DAB1: variants seen among roughly 807,000 people sequenced by gnomAD.
DAB1 encodes the protein DAB adaptor protein 1.
Under a neutral mutation model 64.6 loss-of-function variants are expected in DAB1, and 15 were observed. That is an observed-to-expected ratio of 0.23 (90% CI 0.16 to 0.36). The LOEUF (loss-of-function observed/expected upper bound fraction) is 0.36. Ranked by LOEUF, DAB1 falls within the 10% of genes least tolerant of loss-of-function variation. The pLI is 1.00. For missense variants in DAB1, 596 were observed against 706.7 expected, an observed-to-expected ratio of 0.84 and a Z score of 1.78; for synonymous variants, 235 against 251.9, an observed-to-expected ratio of 0.93 and a Z score of 0.64.
intron 4 of DAB1, among the ~76,000 whole-genome samples, chr1:58,249,903 A>T (rs1043185751): frequency 6.6e-6 from 1 of 152,108 alleles, no homozygotes; most frequent in African/African-American, 2.4e-5. Flanking sequence ...AACTTTGCGC[A>T]CACTGCAGCC....
intron 2 of DAB1, among the ~76,000 whole-genome samples, chr1:57,264,867 G>T (rs1433522265): frequency 2.6e-5 from 4 of 152,172 alleles, no homozygotes; most frequent in Non-Finnish European, 4.4e-5. Context: ...TATCTCAGCT[G>T]TCAATATCAA....
At chr1:57,662,328 C>T (rs1359437337) in intron 6 of DAB1, among the ~76,000 whole-genome samples, 1 of 152,126 alleles carries the variant, frequency 6.6e-6, no homozygotes, top group African/African-American at 2.4e-5. Flanking sequence ...TCCTTTGTAG[C>T]TGGAATTACA....
At chr1:57,011,321 T>G (rs749028639) in intron 12 of DAB1, 49 bp from the exon 13 acceptor site, 2 of 1,598,424 alleles carry the variant, frequency 1.3e-6, no homozygotes, top group South Asian at 2.3e-5. Flanking sequence ...CTGGCTGCCA[T>G]GAATGTATCC....
intron 2 of DAB1, among the ~76,000 whole-genome samples, chr1:57,153,399 T>C (rs985929984): frequency 2.6e-5 from 4 of 152,172 alleles, no homozygotes; most frequent in African/African-American, 7.2e-5. Context: ...AGACATCTTA[T>C]ATTTTTCTCA....
chr1:57,469,249 G>T (rs1328995110), intron 7 of DAB1, among the ~76,000 whole-genome samples: 1 of 152,128 alleles, frequency 6.6e-6, no homozygotes, highest in African/African-American at 2.4e-5. Flanking sequence ...GAAATTTAAG[G>T]AAACAATTAA....
intron 6 of DAB1, among the ~76,000 whole-genome samples, chr1:57,689,046 T>C (rs1198424106): frequency 6.6e-6 from 1 of 152,190 alleles, no homozygotes; most frequent in Non-Finnish European, 1.5e-5. Context: ...CCTGCACATG[T>C]ACCCATTGTA....
intron 3 of DAB1, among the ~76,000 whole-genome samples, chr1:58,433,432 T>C (rs1038834670): frequency 6.6e-6 from 1 of 152,032 alleles, no homozygotes; most frequent in Non-Finnish European, 1.5e-5. Flanking sequence ...CTGAGAAATT[T>C]ATAATGAACA....
intron 5 of DAB1, chr1:58,047,969 A>G: frequency 1.9e-6 from 1 of 517,262 alleles, no homozygotes; most frequent in East Asian, 3.6e-5. Context: ...CAGAACAGCA[A>G]CTAAAATAAC....
At chr1:58,473,783 C>T in intron 3 of DAB1, 1 of 546,404 alleles carries the variant, frequency 1.8e-6, no homozygotes, top group East Asian at 6.8e-5. Flanking sequence ...AACAGTCTGA[C>T]CCAAGAACGC....
intron 1 of DAB1, among the ~76,000 whole-genome samples, chr1:57,390,920 C>T (rs1002928275): frequency 1.4e-4 from 21 of 152,182 alleles, no homozygotes; most frequent in South Asian, 6.2e-4. Flanking sequence ...TACATCTGTA[C>T]GACAAGCATT....
At chr1:57,880,667 G>T (rs190889296) in intron 1 of DAB1, 1 of 152,224 alleles carries the variant, frequency 6.6e-6, no homozygotes, top group Non-Finnish European at 1.5e-5. Context: ...CAGTCTCTAA[G>T]GTCCTTGCAA....
chr1:58,092,694 G>C (rs1650741602), intron 5 of DAB1, among the ~76,000 whole-genome samples: 1 of 152,140 alleles, frequency 6.6e-6, no homozygotes, highest in South Asian at 2.1e-4. Context: ...AGGGCTCCTT[G>C]CTTGAATATA....
intron 4 of DAB1, among the ~76,000 whole-genome samples, chr1:58,283,923 C>G (rs1274407245): frequency 1.3e-5 from 2 of 152,160 alleles, no homozygotes; most frequent in Non-Finnish European, 2.9e-5. Flanking sequence ...GTGCCTGGCT[C>G]AGTGTACGTG....
chr1:58,494,714 A>G (rs1645764988), intron 3 of DAB1, among the ~76,000 whole-genome samples: 2 of 152,086 alleles, frequency 1.3e-5, no homozygotes, highest in Non-Finnish European at 2.9e-5. Flanking sequence ...CAAAACCACA[A>G]TGAGATACCA....
At chr1:58,351,814 TG>T (rs1415764641) in intron 3 of DAB1, among the ~76,000 whole-genome samples, 2 of 142,878 alleles carry the variant, frequency 1.4e-5, no homozygotes, top group Non-Finnish European at 3.1e-5. Flanking sequence ...GGGAGAGGGG[TG>T]TGGAGAGGAG....
At chr1:57,399,182 G>C (rs1434888320) in intron 1 of DAB1, among the ~76,000 whole-genome samples, 2 of 152,146 alleles carry the variant, frequency 1.3e-5, no homozygotes, top group Non-Finnish European at 2.9e-5. Context: ...ATGCCATTAA[G>C]AGCAACTGGT....
chr1:57,745,110 T>C (rs1409891336), intron 6 of DAB1, among the ~76,000 whole-genome samples: 8 of 152,160 alleles, frequency 5.3e-5, no homozygotes, highest in Non-Finnish European at 1.2e-4. Context: ...TCAATATAAT[T>C]ATTTATAGAT....
chr1:58,021,701 A>T (rs949368289), intron 5 of DAB1, among the ~76,000 whole-genome samples: 1 of 152,222 alleles, frequency 6.6e-6, no homozygotes, highest in African/African-American at 2.4e-5. Flanking sequence ...GTCAGAGCAG[A>T]ACTGGCCCAA....
chr1:58,066,387 A>G (rs1223776818), intron 5 of DAB1, among the ~76,000 whole-genome samples: 2 of 152,122 alleles, frequency 1.3e-5, no homozygotes, highest in Non-Finnish European at 2.9e-5. Context: ...ACTCTCATAA[A>G]CTTTTTTATG....
Sources: allele counts gnomAD v4.1 joint callset (sites outside exome capture counted in the v4.1 genomes callset), GRCh38; gene constraint gnomAD v4.1.1; transcripts MANE v1.5; gene names NCBI Gene and HGNC (gene_info 2026-07-23, HGNC 2026-07-21).